Variants in CRYL1 observed in about 807,000 individuals in gnomAD.
CRYL1 encodes crystallin lambda 1, also known as lambda-crystallin homolog.
CRYL1 carries 29 observed loss-of-function variants against 36.6 expected under a neutral mutation model. The ratio of observed to expected loss-of-function variants is 0.79; its 90% CI spans 0.59 to 1.08. The LOEUF (loss-of-function observed/expected upper bound fraction) is 1.08. Among genes scored for constraint, CRYL1 ranks in the 50% least tolerant of loss-of-function variants. CRYL1 has a pLI of 0.00. For synonymous variants in CRYL1, 152 were observed against 151.5 expected (o/e 1.00, Z -0.02); for missense variants, 411 against 407.9 (o/e 1.01, Z -0.06).
intron 6 of CRYL1, among the ~76,000 whole-genome samples, chr13:20,412,952 C>A (rs1376190237): frequency 6.6e-5 from 10 of 152,188 alleles, no homozygotes; most frequent in Admixed American, 6.5e-4. Flanking sequence ...ATAATGTCAT[C>A]ATCTTCCTCA....
In CRYL1 at chr13:20,486,330, G is replaced by A. The variant is rs746324994; in HGVS notation, c.276+3040C>T. Among the ~76,000 whole-genome samples, 4 of 152,144 alleles carry A rather than the reference G, an allele frequency of 2.6e-5. No homozygotes were observed. In the South Asian group the frequency reaches 6.2e-4, roughly 24 times the overall value. On this transcript the variant is annotated intron_variant, in intron 3 of 7. Transcript: ENST00000298248. ...TAAGTAATTCTTCAGGTTGGCATTC[G>A]TAGCATGGCGACTTGGTTTCCACCT...
chr13:20,407,267 G>A (rs1434819551), intron 6 of CRYL1, among the ~76,000 whole-genome samples: 3 of 151,624 alleles, frequency 2.0e-5, no homozygotes, highest in South Asian at 2.1e-4. Flanking sequence ...AAGTTTAGGC[G>A]CCCACACCAC....
At chr13:20,494,264 G>C (rs2033566060) in intron 2 of CRYL1, among the ~76,000 whole-genome samples, 3 of 152,170 alleles carry the variant, frequency 2.0e-5, no homozygotes, top group African/African-American at 7.2e-5. Context: ...TGTTACGGAG[G>C]AATAAGTGAG....
At chr13:20,414,545 C>A (rs1181011051) in intron 5 of CRYL1, among the ~76,000 whole-genome samples, 11 of 152,164 alleles carry the variant, frequency 7.2e-5, no homozygotes, top group Non-Finnish European at 1.5e-5. Context: ...GCTCTCCAGG[C>A]TTCACATGCC....
At chr13:20,449,728 A>G (rs1384605674) in intron 3 of CRYL1, among the ~76,000 whole-genome samples, 1 of 152,216 alleles carries the variant, frequency 6.6e-6, no homozygotes, top group Non-Finnish European at 1.5e-5. Flanking sequence ...TGAAACTGAT[A>G]AATGACTTCA....
intron 3 of CRYL1, among the ~76,000 whole-genome samples, chr13:20,486,092 G>A (rs2033393210): frequency 7.7e-6 from 1 of 130,518 alleles, no homozygotes; most frequent in African/African-American, 3.3e-5. Flanking sequence ...CTAAGTTTTT[G>A]TATTTTCAGT....
chr13:20,427,551 C>G (rs968341590), intron 5 of CRYL1, among the ~76,000 whole-genome samples: 1 of 152,126 alleles, frequency 6.6e-6, no homozygotes, highest in South Asian at 2.1e-4. Flanking sequence ...AGAAATGGCA[C>G]TGGCAGCGTG....
intron 4 of CRYL1, among the ~76,000 whole-genome samples, chr13:20,436,645 C>T (rs192166099): frequency 9.2e-5 from 14 of 152,304 alleles, no homozygotes; most frequent in Admixed American, 8.5e-4. Flanking sequence ...TGAACTCCTG[C>T]GCTGGGAGTA....
intron 5 of CRYL1, among the ~76,000 whole-genome samples, chr13:20,426,197 C>T (rs2031930143): frequency 1.3e-5 from 2 of 151,560 alleles, no homozygotes; most frequent in Admixed American, 1.3e-4. Flanking sequence ...AAGAGCGATT[C>T]TCATCCTCTG....
chr13:20,518,615 T>C (rs755873447), intron 1 of CRYL1, among the ~76,000 whole-genome samples: 1 of 152,278 alleles, frequency 6.6e-6, no homozygotes, highest in Non-Finnish European at 1.5e-5. Context: ...AGACAAAAGA[T>C]ATCATCTGAC....
intron 3 of CRYL1, among the ~76,000 whole-genome samples, chr13:20,449,640 A>G (rs1292634997): frequency 1.3e-5 from 2 of 152,148 alleles, no homozygotes; most frequent in African/African-American, 4.8e-5. Context: ...TCCAAATAGG[A>G]AAAGAAGTAA....
chr13:20,477,696 TA>T (rs890289941), intron 3 of CRYL1, among the ~76,000 whole-genome samples: 3 of 146,186 alleles, frequency 2.1e-5, no homozygotes, highest in African/African-American at 5.0e-5. Context: ...AAAAATATAT[TA>T]AAAATATATA....
rs945648534 is a variant in CRYL1 at position 20,426,826 on chromosome 13, A to C, written c.633+5276T>G. 12 of 985,442 alleles carry C rather than the reference A, an allele frequency of 1.2e-5. No homozygotes were observed. In the African/African-American group the frequency reaches 1.9e-4, roughly 16 times the overall value. The allele number at this position is 985,442 out of a possible 1,614,324, so 61.0% of individuals were successfully genotyped here. A position where few individuals can be genotyped will look rare whatever the true frequency, so the allele number is the denominator to read the frequency against. On this transcript the variant is annotated intron_variant, in intron 5 of 7. Transcript: ENST00000298248. ...GTTCTGGAATCTCAGGGCCCCATCCAGATGCCCCAGACCACACCCACCCTG... is the reference window on the plus strand; with the variant it reads ...GTTCTGGAATCTCAGGGCCCCATCCCGATGCCCCAGACCACACCCACCCTG...
chr13:20,500,055 T>G (rs886596052), intron 2 of CRYL1, among the ~76,000 whole-genome samples: 29 of 152,190 alleles, frequency 1.9e-4, no homozygotes, highest in African/African-American at 6.5e-4. Flanking sequence ...GAGAGAAAAC[T>G]TCCAGTGCAC....
chr13:20,513,965 G>A (rs918504518), intron 1 of CRYL1, among the ~76,000 whole-genome samples: 11 of 148,256 alleles, frequency 7.4e-5, no homozygotes, highest in Non-Finnish European at 1.5e-4. Context: ...ATAGGGGCCC[G>A]ATATAGGAGC....
chr13:20,519,935 TTATA>T (rs1286731200), intron 1 of CRYL1, among the ~76,000 whole-genome samples: 1 of 152,216 alleles, frequency 6.6e-6, no homozygotes, highest in African/African-American at 2.4e-5. Context: ...GCTATTGTGG[TTATA>T]TAGTTTTAAA....
chr13:20,414,925 C>T (rs1378533289), intron 5 of CRYL1, among the ~76,000 whole-genome samples: 3 of 152,232 alleles, frequency 2.0e-5, no homozygotes, highest in African/African-American at 7.2e-5. Flanking sequence ...AGACAGGCAG[C>T]ACTCCCGCGG....
intron 2 of CRYL1, among the ~76,000 whole-genome samples, chr13:20,507,719 C>A (rs567108065): frequency 6.6e-6 from 1 of 151,762 alleles, no homozygotes; most frequent in Non-Finnish European, 1.5e-5. Flanking sequence ...GAGATCGAGA[C>A]CATCCTGGCT....
chr13:20,499,630 T>C (rs1204663417), intron 2 of CRYL1, among the ~76,000 whole-genome samples: 1 of 151,948 alleles, frequency 6.6e-6, no homozygotes, highest in East Asian at 1.9e-4. Flanking sequence ...CCAGCCTGGG[T>C]GACAGAGCGA....
Sources: gnomAD v4.1 joint callset for allele counts (sites outside exome capture counted in the v4.1 genomes callset) on GRCh38, gnomAD v4.1.1 for gene constraint, MANE v1.5 for transcripts, NCBI Gene and HGNC (gene_info 2026-07-23, HGNC 2026-07-21) for gene names.